COL6A2: variants seen among roughly 807,000 people sequenced by gnomAD.
COL6A2 encodes collagen type VI alpha 2 chain, also known as collagen alpha-2(VI) chain.
COL6A2 carries 90 observed loss-of-function variants against 124.9 expected under a neutral mutation model. The ratio of observed to expected loss-of-function variants is 0.72; its 90% CI spans 0.61 to 0.86. The LOEUF (loss-of-function observed/expected upper bound fraction) is 0.86, where lower values mean the gene tolerates loss of function less well. Among genes scored for constraint, COL6A2 ranks in the 40% least tolerant of loss-of-function variants. The pLI is 0.00. For synonymous variants in COL6A2, 793 were observed against 618.2 expected (o/e 1.28, Z -4.19); for missense variants, 1,607 against 1,502.5 (o/e 1.07, Z -1.15).
intron 5 of COL6A2, among the ~76,000 whole-genome samples, chr21:46,114,356 CG>C (rs2078443838): frequency 6.7e-6 from 1 of 150,210 alleles, no homozygotes; most frequent in Non-Finnish European, 1.5e-5. Flanking sequence ...ACCTGGGAAG[CG>C]GAGGTTGCAG....
Position 46,127,779 on chromosome 21 carries a change from C to T in COL6A2, c.2461+1238C>T, listed in dbSNP as rs915639912. Among the ~76,000 whole-genome samples, 10 of 152,308 alleles carry T rather than the reference C, an allele frequency of 6.6e-5. No individual in the cohort carries two copies. In the South Asian group the frequency reaches 1.2e-3, roughly 19 times the overall value. ...CAGTGTGAGTGGCCGCTATGGCTTC[C>T]CCTCCACTCCAGGTTCTATCGTGAG... is the stretch of plus-strand genomic sequence containing the variant. On this transcript the variant is annotated intron_variant, in intron 27 of 27. Transcript: ENST00000300527.
chr21:46,118,758 C>T (rs2123636234), intron 13 of COL6A2, 82 bp downstream of exon 13: 3 of 1,468,824 alleles, frequency 2.0e-6, no homozygotes, highest in African/African-American at 1.4e-5. Context: ...CGCTGGCCAC[C>T]ATCTCTGCTG....
intron 4 of COL6A2, 126 bp from the exon 5 acceptor site, chr21:46,113,882 C>A: frequency 1.2e-6 from 1 of 801,984 alleles, no homozygotes; most frequent in Non-Finnish European, 2.2e-6. Flanking sequence ...CGCCCAGGTT[C>A]TCAGGGCATT....
intron 1 of COL6A2, among the ~76,000 whole-genome samples, chr21:46,105,256 C>T (rs1317099589): frequency 6.6e-6 from 1 of 152,078 alleles, no homozygotes; most frequent in African/African-American, 2.4e-5. Flanking sequence ...CATGGTGGTG[C>T]ACACCTGTGG....
At chr21:46,123,605 A>G (rs2078602227) in intron 21 of COL6A2, among the ~76,000 whole-genome samples, 1 of 151,228 alleles carries the variant, frequency 6.6e-6, no homozygotes, top group Non-Finnish European at 1.5e-5. Flanking sequence ...TAGAAGATGG[A>G]TGAATGGATG....
intron 18 of COL6A2, 64 bp downstream of exon 18, chr21:46,121,682 A>AG: frequency 1.3e-6 from 2 of 1,542,786 alleles, no homozygotes; most frequent in East Asian, 4.5e-5. Context: ...GGAGCAGGAC[A>AG]GGGGGCCGGC....
chr21:46,105,175 C>T (rs890992232), intron 1 of COL6A2, among the ~76,000 whole-genome samples: 15 of 152,086 alleles, frequency 9.9e-5, no homozygotes, highest in African/African-American at 3.6e-4. Context: ...CCCAGGAGTT[C>T]AAGACCAGCC....
chr21:46,129,426 G>A (rs1241381776), intron 27 of COL6A2: 3 of 1,611,980 alleles, frequency 1.9e-6, no homozygotes, highest in Admixed American at 1.7e-5. Context: ...GCTGTTCATT[G>A]ACACCTTTAA....
chr21:46,127,260 G>A (rs1415786620), intron 27 of COL6A2, among the ~76,000 whole-genome samples: 1 of 152,144 alleles, frequency 6.6e-6, no homozygotes, highest in African/African-American at 2.4e-5. Flanking sequence ...CCGACCTGGA[G>A]GACCACAGGG....
At chr21:46,115,323 T>G (rs1252817541) in intron 5 of COL6A2, among the ~76,000 whole-genome samples, 1 of 152,238 alleles carries the variant, frequency 6.6e-6, no homozygotes, top group Non-Finnish European at 1.5e-5. Flanking sequence ...TTTTGACCTC[T>G]TAATTCTTCC....
At chr21:46,118,870 G>A (rs531556523) in intron 13 of COL6A2, among the ~76,000 whole-genome samples, 160 bp from the exon 14 acceptor site, 3 of 152,322 alleles carry the variant, frequency 2.0e-5, no homozygotes, top group East Asian at 1.9e-4. Context: ...CCCTCCTCAC[G>A]AGGCTGAACA....
rs770842374 is a variant in COL6A2 at position 46,111,593 on chromosome 21, T to C, written c.115+2T>C. 18 of 1,606,970 alleles carry C rather than the reference T, an allele frequency of 1.1e-5. No homozygotes were observed. The highest frequency in any genetic ancestry group is 1.3e-5 in the African/African-American group (1 of 74,082). The stretch of plus-strand genomic sequence containing the variant: ...CCGAGAGAAACAACAACTGCCCAGG[T>C]GCCAGGGGTCGGGGGCCGGGGGCTC... On this transcript the variant is annotated splice_donor_variant, in intron 2 of 27. Transcript: ENST00000300527. LOFTEE classifies it high-confidence loss of function.
chr21:46,132,367 G>C lies in COL6A2; in HGVS notation c.2875G>C (p.Glu959Gln), dbSNP rs150168522. Residue 959 changes from glutamate to glutamine, a missense_variant, in exon 28 of 28, where the codon GAG becomes CAG. Physicochemically the swap from Glu to Gln is conservative, Grantham distance 29 (BLOSUM62 2). Around this residue, in one of 3 missense-constraint regions of COL6A2, gnomAD observed 1,223 missense variants for 1,052.2 expected, o/e 1.16. Transcript: ENST00000300527. ...CGTCACGGGCAACGACAGTCTGCAC[G>C]AGTCGGCGCACTCCATGCGCAAGCA... ...DGVTGNDSLH[E>Q]SAHSMRKQNV... The C allele has an allele frequency of 4.5e-5, 73 of 1,608,992 alleles. No homozygotes were observed. Among genetic ancestry groups the C allele is most frequent in the Non-Finnish European group, 5.7e-5 (67 of 1,179,554 alleles).
chr21:46,114,097 G>T, intron 5 of COL6A2, 24 bp downstream of exon 5: 1 of 1,596,548 alleles, frequency 6.3e-7, no homozygotes, highest in Non-Finnish European at 8.6e-7. Context: ...ATTACCTGCA[G>T]GGTCTGCGCT....
rs1568940363 is a variant in COL6A2, at chr21:46,125,955, CTCA to C, written c.2144_2146del (p.Ile715del). 9.9e-6 allele frequency: 16 copies of C among 1,613,192 alleles called. No individual in the cohort carries two copies. Among genetic ancestry groups the C allele is most frequent in the Admixed American group, 3.3e-5 (2 of 60,024 alleles). ...AGCCCTCAAGTTTGCCTACGACCGCCTCATCAAGGAGAGCCGGCGCCAGAAGAC... is the reference window on the plus strand; with the variant it reads ...AGCCCTCAAGTTTGCCTACGACCGCCTCAAGGAGAGCCGGCGCCAGAAGAC... On this transcript the variant is annotated inframe_deletion, in exon 26 of 28. Transcript: ENST00000300527.
rs370155138 is a variant in COL6A2, at chr21:46,132,556, C to G, written c.*4C>G. ...CTTCATCCGCTGGATCTGCTAGCGCCGCCGCCCGGGCCCCGCAGTCGAGGG... is the reference window on the plus strand; with the variant it reads ...CTTCATCCGCTGGATCTGCTAGCGCGGCCGCCCGGGCCCCGCAGTCGAGGG... On this transcript the variant is annotated 3_prime_UTR_variant, in exon 28 of 28. Coordinates refer to ENST00000300527, the MANE Select transcript of COL6A2 (RefSeq NM_001849.4). 1 of 1,590,966 alleles carries G rather than the reference C, an allele frequency of 6.3e-7. No individual in the cohort carries two copies. The highest frequency in any genetic ancestry group is 1.3e-5 in the African/African-American group (1 of 74,650).
chr21:46,110,031 C>T (rs931441533), intron 1 of COL6A2, among the ~76,000 whole-genome samples: 3 of 152,242 alleles, frequency 2.0e-5, no homozygotes, highest in African/African-American at 7.2e-5. Context: ...TCCCCGGCTC[C>T]TGCTGGCTCC....
At chr21:46,129,221 C>A in intron 27 of COL6A2, 1 of 1,612,886 alleles carries the variant, frequency 6.2e-7, no homozygotes, top group Non-Finnish European at 8.5e-7. Flanking sequence ...GCGGCGAGCC[C>A]CCGGTCACCT....
chr21:46,125,198 C>A, intron 23 of COL6A2, 68 bp from the exon 24 acceptor site: 1 of 1,473,066 alleles, frequency 6.8e-7, no homozygotes, highest in Non-Finnish European at 9.5e-7. Context: ...ACCCCCAGGC[C>A]AGGACCTTGC....
Sources: allele counts gnomAD v4.1 joint callset (sites outside exome capture counted in the v4.1 genomes callset), GRCh38; gene constraint gnomAD v4.1.1; regional missense constraint gnomAD v4.1.1; transcripts MANE v1.5; gene names NCBI Gene and HGNC (gene_info 2026-07-23, HGNC 2026-07-21).